CSMD3: variants seen among roughly 807,000 people sequenced by gnomAD.
The protein encoded by CSMD3 is CUB and Sushi multiple domains 3, also known as CUB and sushi domain-containing protein 3.
In CSMD3, 177 loss-of-function variants were observed where a neutral mutation model predicts 435.2. That is an observed-to-expected ratio of 0.41 (90% CI 0.36 to 0.46). The LOEUF (loss-of-function observed/expected upper bound fraction) is 0.46, where lower values mean the gene tolerates loss of function less well. Ranked by LOEUF, CSMD3 falls within the 20% of genes least tolerant of loss-of-function variation. The probability of loss-of-function intolerance (pLI) is 0.34; values close to 1 mark genes in which losing one functional copy is unlikely to be tolerated. For synonymous variants in CSMD3, 1,656 were observed against 1,520.5 expected (o/e 1.09, Z -2.07); for missense variants, 4,265 against 4,504.6 (o/e 0.95, Z 1.52).
At position 113,316,344 on chromosome 8, in the gene CSMD3, T is replaced by A. The variant is rs1588502348; in HGVS notation, c.179-1551A>T. Among the ~76,000 whole-genome samples the A allele has an allele frequency of 2.6e-5, 4 of 152,168 alleles. No individual in the cohort carries two copies. In the East Asian group the frequency reaches 7.7e-4, roughly 29 times the overall value. Reference sequence around the variant, plus strand: ...AAATGCAGGAAATTTGGGGCTCCTCTCTTTGAGAAGAAATGAATATATTTT... The same window carrying A: ...AAATGCAGGAAATTTGGGGCTCCTCACTTTGAGAAGAAATGAATATATTTT... On this transcript the variant is annotated intron_variant, in intron 1 of 70. Coordinates refer to ENST00000297405, the MANE Select transcript of CSMD3 (RefSeq NM_198123.2).
intron 1 of CSMD3, among the ~76,000 whole-genome samples, chr8:113,386,792 C>T (rs11985340): frequency 0.018 from 2,793 of 151,866 alleles, 99 homozygotes; most frequent in African/African-American, 0.062. Context: ...TTACCGAAAA[C>T]AATCAATTTG....
At chr8:113,095,709 A>T (rs1817453) in intron 5 of CSMD3, among the ~76,000 whole-genome samples, 1 of 151,986 alleles carries the variant, frequency 6.6e-6, no homozygotes, top group Non-Finnish European at 1.5e-5. Flanking sequence ...AATGATACAT[A>T]CAGTTTAAAA....
chr8:112,760,387 G>A (rs761038984), intron 13 of CSMD3, among the ~76,000 whole-genome samples: 2 of 152,022 alleles, frequency 1.3e-5, no homozygotes, highest in Non-Finnish European at 2.9e-5. Flanking sequence ...TTGGGACAAC[G>A]TAAAATATTT....
chr8:113,310,843 GA>G (rs1323648922), intron 2 of CSMD3: 1 of 151,052 alleles, frequency 6.6e-6, no homozygotes, highest in East Asian at 1.9e-4. Flanking sequence ...AATTATAAAA[GA>G]AAAAACAAAA....
intron 4 of CSMD3, among the ~76,000 whole-genome samples, chr8:113,141,862 T>C (rs1399286650): frequency 6.6e-6 from 1 of 151,080 alleles, no homozygotes; most frequent in East Asian, 1.9e-4. Flanking sequence ...TTGCAGATGT[T>C]ATGTTTCTCT....
chr8:112,499,134 T>A (rs1221364843), intron 30 of CSMD3, among the ~76,000 whole-genome samples: 4 of 151,998 alleles, frequency 2.6e-5, no homozygotes, highest in Non-Finnish European at 4.4e-5. Context: ...TATCAGATAT[T>A]GACATTATTA....
chr8:113,215,509 C>T lies in CSMD3; in HGVS notation c.515-41593G>A, dbSNP rs74787296. On this transcript the variant is annotated intron_variant, in intron 3 of 70. Transcript: ENST00000297405. Reference sequence around the variant, plus strand: ...AATTGTAGGTGACCTTGGGAAAAATCATTATCTTCTAAATGGATATTCAAC... The same window carrying T: ...AATTGTAGGTGACCTTGGGAAAAATTATTATCTTCTAAATGGATATTCAAC... Among the ~76,000 whole-genome samples, 853 of 124,526 alleles carry T rather than the reference C, an allele frequency of 6.8e-3. 12 individuals carry two copies. The highest frequency in any genetic ancestry group is 0.021 in the African/African-American group (822 of 39,450). 81.7% of individuals were successfully genotyped at this position (124,526 alleles called of 152,430 possible).
At chr8:113,314,501 C>T (rs1298791710) in intron 2 of CSMD3, 70 bp downstream of exon 2, 13 of 898,186 alleles carry the variant, frequency 1.4e-5, no homozygotes, top group Non-Finnish European at 2.2e-5. Context: ...TGTTAAGCAT[C>T]TTTTGTAAAA....
At chr8:113,279,835 AT>A (rs1173067747) in intron 2 of CSMD3, among the ~76,000 whole-genome samples, 1 of 151,748 alleles carries the variant, frequency 6.6e-6, no homozygotes, top group Non-Finnish European at 1.5e-5. Context: ...GTAATTTCAT[AT>A]TTATGTGCAT....
rs1409699195 is a variant in CSMD3 at position 112,292,771 on chromosome 8, G to A, written c.8615-61C>T. On this transcript the variant is annotated intron_variant, in intron 54 of 70. Coordinates refer to ENST00000297405, the MANE Select transcript of CSMD3 (RefSeq NM_198123.2). The stretch of plus-strand genomic sequence containing the variant: ...ACAGAAAAAAAATATTTAGTTATCA[G>A]TTATTGCATTATTGATTATACTTAA... 2.9e-6 allele frequency: 4 copies of A among 1,394,552 alleles called. No individual in the cohort carries two copies. The Admixed American group carries it at 6.8e-5, about 24-fold the overall frequency. 86.4% of individuals were successfully genotyped at this position (1,394,552 alleles called of 1,614,324 possible).
At chr8:112,990,363 G>A (rs552312150) in intron 6 of CSMD3, among the ~76,000 whole-genome samples, 17 of 152,022 alleles carry the variant, frequency 1.1e-4, no homozygotes, top group African/African-American at 3.9e-4. Flanking sequence ...AGAGAATTGT[G>A]AGAAATAATG....
At chr8:112,351,031 A>G in intron 40 of CSMD3, 144 bp downstream of exon 40, 2 of 473,514 alleles carry the variant, frequency 4.2e-6, no homozygotes, top group Non-Finnish European at 7.5e-6. Flanking sequence ...TTTCCATAAG[A>G]TCTGGTAAAA....
intron 3 of CSMD3, among the ~76,000 whole-genome samples, chr8:113,263,230 T>C (rs1028146779): frequency 1.3e-5 from 2 of 151,858 alleles, no homozygotes; most frequent in African/African-American, 4.8e-5. Flanking sequence ...CCTTCAAAGA[T>C]GACAGGCAGT....
At chr8:112,235,665 A>C (rs929512981) in intron 67 of CSMD3, among the ~76,000 whole-genome samples, 6 of 152,192 alleles carry the variant, frequency 3.9e-5, no homozygotes, top group African/African-American at 1.2e-4. Flanking sequence ...GACTGTATTC[A>C]TTCATTCTAA....
chr8:112,676,846 G>C (rs888215952), intron 16 of CSMD3, among the ~76,000 whole-genome samples: 1 of 151,976 alleles, frequency 6.6e-6, no homozygotes, highest in African/African-American at 2.4e-5. Context: ...ACATCTCATG[G>C]CCTGGTATCC....
At chr8:113,350,783 G>A (rs975806429) in intron 1 of CSMD3, among the ~76,000 whole-genome samples, 5 of 152,022 alleles carry the variant, frequency 3.3e-5, no homozygotes, top group Admixed American at 6.6e-5. Flanking sequence ...AGTCCATGTC[G>A]GACAGCATGA....
chr8:112,237,627 A>G (rs939718090), intron 66 of CSMD3, among the ~76,000 whole-genome samples: 2 of 152,118 alleles, frequency 1.3e-5, no homozygotes, highest in African/African-American at 4.8e-5. Flanking sequence ...GTAAATATAA[A>G]CTTCACTTAT....
intron 9 of CSMD3, among the ~76,000 whole-genome samples, chr8:112,938,489 T>C (rs903261253): frequency 2.0e-5 from 3 of 152,152 alleles, no homozygotes; most frequent in Admixed American, 6.6e-5. Context: ...GGAAATTCAT[T>C]TGAAGGATAG....
intron 41 of CSMD3, among the ~76,000 whole-genome samples, chr8:112,342,811 A>T (rs1563814981): frequency 6.6e-6 from 1 of 151,856 alleles, no homozygotes; most frequent in Non-Finnish European, 1.5e-5. Flanking sequence ...CTAAAAAATT[A>T]GATTAACTTT....
Sources: allele counts gnomAD v4.1 joint callset (sites outside exome capture counted in the v4.1 genomes callset), GRCh38; gene constraint gnomAD v4.1.1; transcripts MANE v1.5; gene names NCBI Gene and HGNC (gene_info 2026-07-23, HGNC 2026-07-21).